The following HMGA2 variants were observed in gnomAD, a reference collection of about 807,000 sequenced individuals.
HMGA2 encodes high mobility group protein HMGI-C.
A neutral mutation model predicts 19.1 loss-of-function variants in HMGA2; 8 were observed. The ratio of observed to expected loss-of-function variants is 0.42; its 90% CI spans 0.25 to 0.76. The LOEUF (loss-of-function observed/expected upper bound fraction) is 0.76, where lower values mean the gene tolerates loss of function less well. HMGA2 is among the 30% of genes least tolerant of loss of function. HMGA2 has a pLI of 0.28. For synonymous variants in HMGA2, 60 were observed against 48.8 expected (o/e 1.23, Z -0.96); for missense variants, 109 against 136.3 (o/e 0.80, Z 1.00).
chr12:65,885,356 AG>A (rs1873612121), intron 3 of HMGA2, among the ~76,000 whole-genome samples: 1 of 152,158 alleles, frequency 6.6e-6, no homozygotes, highest in South Asian at 2.1e-4. Flanking sequence ...TCAGATACAA[AG>A]GATTGTTGTT....
chr12:65,864,639 T>C (rs1872291158), intron 3 of HMGA2, among the ~76,000 whole-genome samples: 1 of 152,206 alleles, frequency 6.6e-6, no homozygotes, highest in South Asian at 2.1e-4. Context: ...ACATTACTAT[T>C]GTAATGTTCA....
chr12:65,921,147 T>C (rs895234764), intron 3 of HMGA2, among the ~76,000 whole-genome samples: 2 of 152,248 alleles, frequency 1.3e-5, no homozygotes, highest in African/African-American at 4.8e-5. Flanking sequence ...CCCTAGAGAT[T>C]TGTGGAACTT....
chr12:65,851,923 C>A (rs1871491962), intron 3 of HMGA2, among the ~76,000 whole-genome samples: 2 of 152,120 alleles, frequency 1.3e-5, no homozygotes, highest in African/African-American at 4.8e-5. Context: ...CTTGAACCTG[C>A]TTGCTCTTAT....
At chr12:65,842,593 G>A (rs754780134) in intron 3 of HMGA2, 8 of 1,533,340 alleles carry the variant, frequency 5.2e-6, no homozygotes, top group Admixed American at 2.0e-5. Context: ...CTATTAAGGA[G>A]GAGTTTTACA....
intron 2 of HMGA2, chr12:65,829,137 A>AT (rs1282061225): frequency 3.9e-5 from 6 of 151,966 alleles, no homozygotes; most frequent in Non-Finnish European, 8.8e-5. Flanking sequence ...GTTTTGTGTG[A>AT]TTTTCTTTGT....
At chr12:65,940,236 T>G (rs1392609092) in intron 3 of HMGA2, among the ~76,000 whole-genome samples, 1 of 152,140 alleles carries the variant, frequency 6.6e-6, no homozygotes, top group African/African-American at 2.4e-5. Flanking sequence ...TTAAAGAAAG[T>G]ATAGATAGAT....
intron 3 of HMGA2, among the ~76,000 whole-genome samples, chr12:65,896,370 G>A (rs1167925265): frequency 1.3e-5 from 2 of 152,192 alleles, no homozygotes; most frequent in African/African-American, 2.4e-5. Flanking sequence ...GATTTGCCCT[G>A]GGCTCTGATA....
chr12:65,930,573 T>G (rs1269192847), intron 3 of HMGA2, among the ~76,000 whole-genome samples: 3 of 152,244 alleles, frequency 2.0e-5, no homozygotes, highest in Non-Finnish European at 2.9e-5. Context: ...GCTTTTTGTC[T>G]GCTGCTTTGC....
intron 3 of HMGA2, among the ~76,000 whole-genome samples, chr12:65,920,723 G>A (rs1485619929): frequency 6.6e-6 from 1 of 152,176 alleles, no homozygotes; most frequent in African/African-American, 2.4e-5. Flanking sequence ...CTATGATTCT[G>A]GGGCCTCCCA....
intron 3 of HMGA2, among the ~76,000 whole-genome samples, chr12:65,891,434 A>G (rs1873906675): frequency 6.6e-6 from 1 of 152,332 alleles, no homozygotes; most frequent in East Asian, 1.9e-4. Context: ...ACACTCTCCC[A>G]GTTCCCATTG....
chr12:65,857,466 A>G (rs1871800834), intron 3 of HMGA2: 1 of 152,246 alleles, frequency 6.6e-6, no homozygotes, highest in South Asian at 2.1e-4. Context: ...AAAGTCTAGA[A>G]TAAAATGTTT....
chr12:65,881,736 C>CT lies in HMGA2; in HGVS notation c.249+43168dup, dbSNP rs1194589431. The CT allele has an allele frequency of 3.7e-5, 26 of 703,080 alleles. No individual in the cohort carries two copies. The East Asian group carries it at 6.4e-4, about 17-fold the overall frequency. 43.6% of individuals were successfully genotyped at this position (703,080 alleles called of 1,614,324 possible). A position where few individuals can be genotyped will look rare whatever the true frequency, so the allele number is the denominator to read the frequency against. ...CACTCACTGACTCCGCACACATTCC[C>CT]TCCCAGTGGTTGCTAATGAAGAGCC... On this transcript the variant is annotated intron_variant, in intron 3 of 4. Transcript: ENST00000403681.
At chr12:65,899,018 T>C (rs1188067167) in intron 3 of HMGA2, among the ~76,000 whole-genome samples, 1 of 118,704 alleles carries the variant, frequency 8.4e-6, no homozygotes, top group African/African-American at 3.3e-5. Context: ...CACTCCAGCC[T>C]GGGCAACAGA....
intron 3 of HMGA2, among the ~76,000 whole-genome samples, chr12:65,846,409 A>G (rs1871236837): frequency 1.3e-5 from 2 of 152,172 alleles, no homozygotes; most frequent in South Asian, 4.1e-4. Context: ...GGTTTAGTGA[A>G]TTTGTCTTAT....
intron 3 of HMGA2, among the ~76,000 whole-genome samples, chr12:65,899,810 T>C (rs1874297698): frequency 6.6e-6 from 1 of 152,232 alleles, no homozygotes; most frequent in Non-Finnish European, 1.5e-5. Flanking sequence ...TCCCACTGCA[T>C]CTTAGGAAAG....
chr12:65,858,336 A>C (rs1871852742), intron 3 of HMGA2: 1 of 145,218 alleles, frequency 6.9e-6, no homozygotes, highest in South Asian at 2.2e-4. Flanking sequence ...TCTCATTTAC[A>C]AAAAAAAAAA....
chr12:65,871,382 G>A (rs1340129508), intron 3 of HMGA2, among the ~76,000 whole-genome samples: 1 of 152,138 alleles, frequency 6.6e-6, no homozygotes, highest in African/African-American at 2.4e-5. Flanking sequence ...CAACCCTTAA[G>A]AGAAGAAGGT....
At chr12:65,836,686 G>C (rs184215851) in intron 2 of HMGA2, among the ~76,000 whole-genome samples, 1 of 152,150 alleles carries the variant, frequency 6.6e-6, no homozygotes, top group Non-Finnish European at 1.5e-5. Flanking sequence ...CTGGGCTTTC[G>C]CTAAATTCAT....
At chr12:65,828,226 A>T in intron 2 of HMGA2, 139 bp downstream of exon 2, 2 of 708,254 alleles carry the variant, frequency 2.8e-6, no homozygotes, top group Non-Finnish European at 5.2e-6. Flanking sequence ...TACATTTAAC[A>T]TTAGTTAGAT....
Sources: allele counts gnomAD v4.1 joint callset (sites outside exome capture counted in the v4.1 genomes callset), GRCh38; gene constraint gnomAD v4.1.1; transcripts MANE v1.5; gene names NCBI Gene and HGNC (gene_info 2026-07-23, HGNC 2026-07-21).